The following CNTNAP5 variants were observed in gnomAD, a reference collection of about 807,000 sequenced individuals.
CNTNAP5 encodes the protein contactin associated protein family member 5, also known as contactin-associated protein-like 5.
A neutral mutation model predicts 150.2 loss-of-function variants in CNTNAP5; 72 were observed. The ratio of observed to expected loss-of-function variants is 0.48; its 90% CI spans 0.40 to 0.58. The LOEUF is 0.58. CNTNAP5 is among the 20% of genes least tolerant of loss of function. CNTNAP5 has a pLI of 0.00. For missense variants in CNTNAP5, 1,636 were observed against 1,626.2 expected (o/e 1.01, Z -0.10); for synonymous variants, 672 against 619.8 (o/e 1.08, Z -1.25).
intron 1 of CNTNAP5, among the ~76,000 whole-genome samples, chr2:124,117,596 C>T (rs937879640): frequency 6.6e-6 from 1 of 152,128 alleles, no homozygotes; most frequent in East Asian, 1.9e-4. Flanking sequence ...GAGTACTTAA[C>T]ACTGTATTTT....
At chr2:124,100,790 G>T (rs1255805779) in intron 1 of CNTNAP5, among the ~76,000 whole-genome samples, 1 of 150,910 alleles carries the variant, frequency 6.6e-6, no homozygotes, top group African/African-American at 2.4e-5. Flanking sequence ...ATTTGAACCT[G>T]GGAGGCAGAG....
chr2:124,630,211 C>G (rs1004207194), intron 12 of CNTNAP5, among the ~76,000 whole-genome samples: 1 of 152,120 alleles, frequency 6.6e-6, no homozygotes, highest in Admixed American at 6.5e-5. Context: ...TGACTCCTCC[C>G]TAACTCATTT....
intron 3 of CNTNAP5, among the ~76,000 whole-genome samples, chr2:124,296,672 A>G (rs1333108992): frequency 6.6e-6 from 1 of 152,228 alleles, no homozygotes; most frequent in East Asian, 1.9e-4. Context: ...GTGTTTTCAT[A>G]AAGTCGGCAT....
intron 1 of CNTNAP5, among the ~76,000 whole-genome samples, chr2:124,206,026 G>A (rs888013719): frequency 6.6e-6 from 1 of 152,208 alleles, no homozygotes; most frequent in Admixed American, 6.5e-5. Context: ...GCTTTGCAGA[G>A]TATATGTAGA....
intron 1 of CNTNAP5, among the ~76,000 whole-genome samples, chr2:124,092,791 C>T (rs549665927): frequency 3.9e-5 from 6 of 152,304 alleles, no homozygotes; most frequent in African/African-American, 1.4e-4. Flanking sequence ...GTAATTTTCA[C>T]TGCCTAAGTC....
chr2:124,057,406 C>A (rs529702630), intron 1 of CNTNAP5, among the ~76,000 whole-genome samples: 1 of 149,196 alleles, frequency 6.7e-6, no homozygotes, highest in African/African-American at 2.5e-5. Context: ...CTCACCCTCC[C>A]GAGTAGCTGG....
chr2:124,485,938 A>G (rs1280796162), intron 7 of CNTNAP5, among the ~76,000 whole-genome samples: 1 of 152,220 alleles, frequency 6.6e-6, no homozygotes, highest in Non-Finnish European at 1.5e-5. Flanking sequence ...CGTTTGATTG[A>G]GCAATTTCAC....
At chr2:124,057,729 A>G (rs1681895064) in intron 1 of CNTNAP5, among the ~76,000 whole-genome samples, 1 of 150,254 alleles carries the variant, frequency 6.7e-6, no homozygotes, top group Admixed American at 6.7e-5. Flanking sequence ...CTTTTAATGG[A>G]TAAACAAGAA....
chr2:124,070,974 A>G (rs1219196158), intron 1 of CNTNAP5, among the ~76,000 whole-genome samples: 4 of 152,072 alleles, frequency 2.6e-5, no homozygotes, highest in African/African-American at 4.8e-5. Flanking sequence ...AAGATATTCA[A>G]AAAATGGAAA....
intron 12 of CNTNAP5, among the ~76,000 whole-genome samples, chr2:124,647,123 A>G (rs543377341): frequency 6.6e-6 from 1 of 151,242 alleles, no homozygotes; most frequent in South Asian, 2.1e-4. Flanking sequence ...ATTAGGCAAA[A>G]TATGTCCTTC....
rs568767169 is a variant in CNTNAP5, at chr2:124,723,071, C to T, written c.2078-24158C>T. Among the ~76,000 whole-genome samples, 102 of 152,248 alleles carry T rather than the reference C, an allele frequency of 6.7e-4. No homozygotes were observed. In the South Asian group the frequency reaches 0.021, roughly 31 times the overall value. ...CTGTGTTCTCTCCAGAACCCACTTTCTACTTTTTGGCAATATGGACAGGCT... is the reference window on the plus strand; with the variant it reads ...CTGTGTTCTCTCCAGAACCCACTTTTTACTTTTTGGCAATATGGACAGGCT... On this transcript the variant is annotated intron_variant, in intron 13 of 23. Transcript: ENST00000682447.
chr2:124,789,136 C>T (rs957371269), intron 17 of CNTNAP5, among the ~76,000 whole-genome samples: 11 of 152,212 alleles, frequency 7.2e-5, no homozygotes, highest in African/African-American at 2.2e-4. Context: ...ATTAGGAAGT[C>T]TACTGAAGTT....
At chr2:124,554,551 G>A (rs181770455) in intron 10 of CNTNAP5, among the ~76,000 whole-genome samples, 4 of 151,490 alleles carry the variant, frequency 2.6e-5, no homozygotes, top group Admixed American at 2.6e-4. Flanking sequence ...TTCTCAAGTA[G>A]CTAGGACTAT....
chr2:124,755,208 T>G (rs1425380539), intron 14 of CNTNAP5, among the ~76,000 whole-genome samples: 2 of 152,178 alleles, frequency 1.3e-5, no homozygotes, highest in Non-Finnish European at 2.9e-5. Context: ...TTTTTTTATC[T>G]TGTGGAAAAC....
At chr2:124,342,859 T>A (rs549845432) in intron 3 of CNTNAP5, among the ~76,000 whole-genome samples, 1 of 152,162 alleles carries the variant, frequency 6.6e-6, no homozygotes, top group African/African-American at 2.4e-5. Context: ...TGGTTTTTCA[T>A]GAGTTCAGTC....
chr2:124,357,867 G>T (rs1272768642), intron 3 of CNTNAP5, among the ~76,000 whole-genome samples: 2 of 150,358 alleles, frequency 1.3e-5, no homozygotes, highest in East Asian at 1.9e-4. Context: ...GCTTGATGGG[G>T]ATGGCATTGA....
At chr2:124,501,970 A>G (rs1481656624) in intron 7 of CNTNAP5, among the ~76,000 whole-genome samples, 1 of 152,192 alleles carries the variant, frequency 6.6e-6, no homozygotes, top group Non-Finnish European at 1.5e-5. Context: ...TCACAGGGGC[A>G]AGAATGATAG....
At chr2:124,736,894 A>C (rs1057492408) in intron 13 of CNTNAP5, among the ~76,000 whole-genome samples, 1 of 152,188 alleles carries the variant, frequency 6.6e-6, no homozygotes, top group Admixed American at 6.5e-5. Flanking sequence ...ATATACAGTC[A>C]TGAACAAGCC....
At chr2:124,433,865 T>TTAAA (rs1190518301) in intron 4 of CNTNAP5, among the ~76,000 whole-genome samples, 1 of 152,182 alleles carries the variant, frequency 6.6e-6, no homozygotes, top group Non-Finnish European at 1.5e-5. Flanking sequence ...CAATAAGGAA[T>TTAAA]TAAATGTTTT....
Sources: allele counts gnomAD v4.1 joint callset (sites outside exome capture counted in the v4.1 genomes callset), GRCh38; gene constraint gnomAD v4.1.1; transcripts MANE v1.5; gene names NCBI Gene and HGNC (gene_info 2026-07-23, HGNC 2026-07-21).